Variants in ADAMTS17 observed in about 807,000 individuals in gnomAD.
ADAMTS17 encodes A disintegrin and metalloproteinase with thrombospondin motifs 17.
In ADAMTS17, 113 loss-of-function variants were observed where a neutral mutation model predicts 141.5. The ratio of observed to expected loss-of-function variants is 0.80; its 90% CI spans 0.69 to 0.93. ADAMTS17 has a LOEUF of 0.93. Among genes scored for constraint, ADAMTS17 ranks in the 40% least tolerant of loss-of-function variants. The probability of loss-of-function intolerance (pLI) is 0.00; values close to 1 mark genes in which losing one functional copy is unlikely to be tolerated. For missense variants in ADAMTS17, 1,659 were observed against 1,517.9 expected, an observed-to-expected ratio of 1.09 and a Z score of -1.54; for synonymous variants, 768 against 630.6, an observed-to-expected ratio of 1.22 and a Z score of -3.27.
At chr15:100,092,602 T>C (rs1033843888) in intron 15 of ADAMTS17, among the ~76,000 whole-genome samples, 1 of 151,336 alleles carries the variant, frequency 6.6e-6, no homozygotes, top group Non-Finnish European at 1.5e-5. Context: ...CAACAGTGAA[T>C]TTCCGCCCCC....
At chr15:99,994,947 A>G (rs1376685327) in intron 19 of ADAMTS17, among the ~76,000 whole-genome samples, 1 of 152,246 alleles carries the variant, frequency 6.6e-6, no homozygotes, top group African/African-American at 2.4e-5. Context: ...CTGGTTGGAA[A>G]TGCACATGCT....
Position 100,133,125 on chromosome 15 carries a change from G to C in ADAMTS17, c.1575+89C>G, listed in dbSNP as rs73482643. ...TGGGGGATGTTTCAGGGGCTCCTAA[G>C]TAGAGTACAGATTGTGTGTCAGAAG... On this transcript the variant is annotated intron_variant, in intron 11 of 21. Coordinates refer to ENST00000268070, the MANE Select transcript of ADAMTS17 (RefSeq NM_139057.4). 3,751 of 1,296,608 alleles carry C rather than the reference G, an allele frequency of 2.9e-3. 87 individuals are homozygous for C. The African/African-American group carries it at 0.048, about 17-fold the overall frequency. 80.3% of individuals were successfully genotyped at this position (1,296,608 alleles called of 1,614,324 possible). A position where few individuals can be genotyped will look rare whatever the true frequency, so the allele number is the denominator to read the frequency against.
intron 15 of ADAMTS17, among the ~76,000 whole-genome samples, chr15:100,080,197 T>C (rs980424430): frequency 6.6e-6 from 1 of 152,146 alleles, no homozygotes; most frequent in Non-Finnish European, 1.5e-5. Context: ...CCTGGAGATC[T>C]TAGTTCCAGA....
chr15:100,053,964 T>C lies in ADAMTS17; in HGVS notation c.2228A>G (p.Tyr743Cys). ...EFQIAGTTVR[Y>C]VRRGLWEKIS... ...CTTCTCCCACAGCCCCCTTCTCACA[T>C]AGCGAACAGTTGTGCCTGCAATCTG... Residue 743 changes from tyrosine (Y) to cysteine (C), a missense_variant, in exon 16 of 22, where the codon TAT becomes TGT. Physicochemically the swap from Tyr to Cys is radical, Grantham distance 194. Transcript: ENST00000268070. The C allele has an allele frequency of 2.5e-6, 4 of 1,614,140 alleles. No individual in the cohort carries two copies. Among genetic ancestry groups the C allele is most frequent in the Non-Finnish European group, 3.4e-6 (4 of 1,180,016 alleles).
intron 8 of ADAMTS17, among the ~76,000 whole-genome samples, chr15:100,196,623 G>A (rs1159892025): frequency 6.6e-6 from 1 of 152,244 alleles, no homozygotes; most frequent in Non-Finnish European, 1.5e-5. Flanking sequence ...TGAGCCACCT[G>A]GAGACTTTCT....
chr15:100,155,422 A>T (rs527367325), intron 8 of ADAMTS17, 102 bp from the exon 9 acceptor site: 1 of 1,506,866 alleles, frequency 6.6e-7, no homozygotes, highest in East Asian at 2.5e-5. Flanking sequence ...TCTTAAAAAC[A>T]AAAACGGACG....
intron 16 of ADAMTS17, among the ~76,000 whole-genome samples, chr15:100,052,556 G>A (rs2032229441): frequency 6.6e-6 from 1 of 152,208 alleles, no homozygotes; most frequent in South Asian, 2.1e-4. Flanking sequence ...GGCTTTTGGT[G>A]AAAAGGGAAA....
chr15:100,320,403 G>A (rs2045697049), intron 3 of ADAMTS17, among the ~76,000 whole-genome samples: 1 of 152,178 alleles, frequency 6.6e-6, no homozygotes, highest in African/African-American at 2.4e-5. Context: ...AGAAGGCAGA[G>A]CATTACACAG....
At chr15:100,043,957 A>T (rs727859) in intron 18 of ADAMTS17, among the ~76,000 whole-genome samples, 52,892 of 152,162 alleles carry the variant, frequency 0.35, 10,740 homozygotes, top group African/African-American at 0.55. Flanking sequence ...GGCACTCATT[A>T]ATAGAGTCTG....
At chr15:100,035,778 T>C (rs1371009490) in intron 18 of ADAMTS17, among the ~76,000 whole-genome samples, 1 of 152,130 alleles carries the variant, frequency 6.6e-6, no homozygotes, top group Non-Finnish European at 1.5e-5. Context: ...AGGCCGATAT[T>C]AAGCAATGTC....
chr15:100,196,380 T>C (rs891466386), intron 8 of ADAMTS17, among the ~76,000 whole-genome samples: 1 of 152,248 alleles, frequency 6.6e-6, no homozygotes, highest in African/African-American at 2.4e-5. Flanking sequence ...ATCATGTGAA[T>C]CTGTGCAACT....
intron 3 of ADAMTS17, among the ~76,000 whole-genome samples, chr15:100,305,049 G>A (rs1416735501): frequency 2.0e-5 from 3 of 152,038 alleles, no homozygotes; most frequent in African/African-American, 4.8e-5. Flanking sequence ...CCAGTCAAGC[G>A]CAGCCTATAA....
Position 100,206,325 on chromosome 15 carries a change from C to T in ADAMTS17, c.1076-6902G>A, listed in dbSNP as rs148381241. 4.4e-3 allele frequency among the ~76,000 whole-genome samples: 667 copies of T among 152,338 alleles called. 4 individuals carry two copies. The highest frequency in any genetic ancestry group is 0.027 in the Middle Eastern group (8 of 294). ...ACCTGTGTGCAGGCTCCTGTGTGTG[C>T]ACTTGAGTGTACGTCTGTAGACATG... On this transcript the variant is annotated intron_variant, in intron 7 of 21. Coordinates refer to ENST00000268070, the MANE Select transcript of ADAMTS17 (RefSeq NM_139057.4).
chr15:100,261,779 G>T, intron 5 of ADAMTS17, 143 bp from the exon 6 acceptor site: 2 of 908,706 alleles, frequency 2.2e-6, no homozygotes, highest in Non-Finnish European at 3.5e-6. Flanking sequence ...AGAAAAGCCT[G>T]ATGCTAGTGG....
intron 8 of ADAMTS17, among the ~76,000 whole-genome samples, chr15:100,166,965 T>C (rs2039974066): frequency 6.6e-6 from 1 of 152,254 alleles, no homozygotes; most frequent in Admixed American, 6.5e-5. Context: ...GTATGTAGCC[T>C]AGGCCAGTGC....
intron 14 of ADAMTS17, among the ~76,000 whole-genome samples, chr15:100,104,088 T>G (rs1458481585): frequency 2.0e-5 from 3 of 152,176 alleles, no homozygotes; most frequent in African/African-American, 7.2e-5. Flanking sequence ...CACAAACCAG[T>G]AAGGCAAGCA....
chr15:100,206,296 C>T (rs751038709), intron 7 of ADAMTS17, among the ~76,000 whole-genome samples: 8 of 152,292 alleles, frequency 5.3e-5, no homozygotes, highest in South Asian at 2.1e-4. Context: ...AGCACTGCAC[C>T]GTCACCTGTG....
intron 8 of ADAMTS17, among the ~76,000 whole-genome samples, chr15:100,160,383 T>C (rs1306640453): frequency 2.0e-5 from 3 of 152,220 alleles, no homozygotes; most frequent in East Asian, 3.8e-4. Flanking sequence ...AGAAGGGTTT[T>C]TCAAACATGG....
chr15:100,274,202 T>A (rs2044004824), intron 4 of ADAMTS17, among the ~76,000 whole-genome samples: 1 of 152,218 alleles, frequency 6.6e-6, no homozygotes, highest in Non-Finnish European at 1.5e-5. Context: ...TCCAGTTGAC[T>A]TATTGTGTTA....
Sources: gnomAD v4.1 joint callset for allele counts (sites outside exome capture counted in the v4.1 genomes callset) on GRCh38, gnomAD v4.1.1 for gene constraint, MANE v1.5 for transcripts, NCBI Gene and HGNC (gene_info 2026-07-23, HGNC 2026-07-21) for gene names.